Variants in ADGRL2 observed in about 807,000 individuals in gnomAD.
ADGRL2 encodes the protein calcium-independent alpha-latrotoxin receptor 2.
In ADGRL2, 44 loss-of-function variants were observed where a neutral mutation model predicts 157.4. The observed-to-expected ratio is 0.28, with a 90% CI of 0.22 to 0.36. ADGRL2 has a LOEUF of 0.36. Ranked by LOEUF, ADGRL2 falls within the 10% of genes least tolerant of loss-of-function variation. ADGRL2 has a pLI of 1.00. For missense variants in ADGRL2, 1,510 were observed against 1,768.9 expected (o/e 0.85, Z 2.63); for synonymous variants, 585 against 624.7 (o/e 0.94, Z 0.95).
intron 2 of ADGRL2, chr1:81,557,102 A>C: frequency 5.6e-6 from 1 of 177,074 alleles, no homozygotes. Flanking sequence ...CAGGCTGACC[A>C]CCTTTGCCTG....
In ADGRL2 at chr1:81,950,287, A is replaced by T. The variant is rs1388522029; in HGVS notation, c.1309A>T (p.Thr437Ser). 1.2e-6 allele frequency: 2 copies of T among 1,613,940 alleles called. No homozygotes were observed. Among genetic ancestry groups the T allele is most frequent in the Non-Finnish European group, 1.7e-6 (2 of 1,179,964 alleles). Residue 437 changes from threonine to serine, a missense_variant, in exon 7 of 24, where the codon ACT becomes TCT. Transcript: ENST00000686636. ...TTCACAGAAAGGCCCCATGAGCACA[A>T]CTGTAGCTGGATCACAGGAAGGAAG... ...TTSQKGPMST[T>S]VAGSQEGSKG...
chr1:81,891,613 C>A (rs895458281), intron 2 of ADGRL2, among the ~76,000 whole-genome samples: 1 of 151,936 alleles, frequency 6.6e-6, no homozygotes, highest in Non-Finnish European at 1.5e-5. Context: ...TTTCATTTTC[C>A]CTTTCCATTT....
chr1:81,908,949 A>G (rs1182800214), intron 3 of ADGRL2, among the ~76,000 whole-genome samples: 1 of 148,216 alleles, frequency 6.7e-6, no homozygotes, highest in East Asian at 2.0e-4. Flanking sequence ...ATCTCTGCTC[A>G]CTGCAGTCTT....
At chr1:81,721,878 A>G (rs2084336044) in intron 1 of ADGRL2, 1 of 760,008 alleles carries the variant, frequency 1.3e-6, no homozygotes, top group Non-Finnish European at 2.3e-6. Context: ...ACCTGATAGT[A>G]AGAAGGTGGA....
chr1:81,861,306 C>A (rs983128626), intron 2 of ADGRL2, among the ~76,000 whole-genome samples: 2 of 152,162 alleles, frequency 1.3e-5, no homozygotes, highest in African/African-American at 4.8e-5. Flanking sequence ...CAGGCATGAG[C>A]CACTGCACCC....
chr1:81,678,995 T>C (rs1451345520), intron 3 of ADGRL2, among the ~76,000 whole-genome samples: 1 of 152,150 alleles, frequency 6.6e-6, no homozygotes, highest in East Asian at 1.9e-4. Flanking sequence ...TTATTCAGCA[T>C]TTATTAGGTA....
At chr1:81,442,682 T>A (rs2077529733) in intron 1 of ADGRL2, among the ~76,000 whole-genome samples, 1 of 152,190 alleles carries the variant, frequency 6.6e-6, no homozygotes, top group Non-Finnish European at 1.5e-5. Flanking sequence ...ATCAGTCAGA[T>A]TTGCTTTGGA....
chr1:81,911,443 A>G (rs1001856098), intron 3 of ADGRL2, among the ~76,000 whole-genome samples: 1 of 152,160 alleles, frequency 6.6e-6, no homozygotes, highest in Non-Finnish European at 1.5e-5. Context: ...TGCTACCAGT[A>G]TTGTCTCTTT....
At chr1:81,838,785 C>G (rs1045377729) in intron 2 of ADGRL2, among the ~76,000 whole-genome samples, 1 of 151,952 alleles carries the variant, frequency 6.6e-6, no homozygotes, top group Non-Finnish European at 1.5e-5. Flanking sequence ...TGAGATACTG[C>G]AGCTTTATTT....
intron 1 of ADGRL2, among the ~76,000 whole-genome samples, chr1:81,317,246 T>C (rs1462396443): frequency 6.6e-6 from 1 of 152,148 alleles, no homozygotes; most frequent in African/African-American, 2.4e-5. Flanking sequence ...AAAAACCCTT[T>C]CTTGTAGCTC....
intron 2 of ADGRL2, among the ~76,000 whole-genome samples, chr1:81,777,350 G>A (rs1176850002): frequency 6.6e-6 from 1 of 152,046 alleles, no homozygotes; most frequent in Non-Finnish European, 1.5e-5. Flanking sequence ...TTTCCCCCAG[G>A]AGTACTGTTG....
chr1:81,443,038 T>C (rs547339075), intron 1 of ADGRL2, among the ~76,000 whole-genome samples: 2 of 152,292 alleles, frequency 1.3e-5, no homozygotes, highest in South Asian at 2.1e-4. Context: ...CTTTACAAAA[T>C]CTTTAAATTC....
intron 2 of ADGRL2, among the ~76,000 whole-genome samples, chr1:81,519,657 C>G (rs1390775211): frequency 6.6e-6 from 1 of 152,136 alleles, no homozygotes. Context: ...TTTACTATCT[C>G]CTTTCAAATG....
intron 3 of ADGRL2, among the ~76,000 whole-genome samples, chr1:81,642,085 CA>C (rs35660017): frequency 1.3e-3 from 191 of 142,422 alleles, no homozygotes; most frequent in East Asian, 3.5e-3. Flanking sequence ...ACTAAACATA[CA>C]AAAAAAAAAA....
At chr1:81,757,855 G>C (rs1158668880) in intron 1 of ADGRL2, among the ~76,000 whole-genome samples, 1 of 152,176 alleles carries the variant, frequency 6.6e-6, no homozygotes, top group Non-Finnish European at 1.5e-5. Flanking sequence ...CTGGAGTACA[G>C]TAAGATTAGA....
chr1:81,977,154 T>C (rs1558036884), intron 17 of ADGRL2, among the ~76,000 whole-genome samples: 1 of 151,870 alleles, frequency 6.6e-6, no homozygotes, highest in Non-Finnish European at 1.5e-5. Context: ...ATCTCAATTA[T>C]TTGTAAAACG....
chr1:81,794,229 T>C (rs2087481367), intron 2 of ADGRL2, among the ~76,000 whole-genome samples: 1 of 152,184 alleles, frequency 6.6e-6, no homozygotes, highest in Admixed American at 6.5e-5. Context: ...ATTGGGCTAC[T>C]AATTAGGGTA....
At position 81,706,076 on chromosome 1, in the gene ADGRL2, G is replaced by A. The variant is rs2083725901; in HGVS notation, c.-143+6268G>A. ...TAGCTGGGCGTGGTCATGCACGCCTGTAGTCCCAGCTACTTGGGAGGCTGA... is the reference window on the plus strand; with the variant it reads ...TAGCTGGGCGTGGTCATGCACGCCTATAGTCCCAGCTACTTGGGAGGCTGA... On this transcript the variant is annotated intron_variant, in intron 1 of 20. Coordinates refer to the ADGRL2 transcript ENST00000359929. Among the ~76,000 whole-genome samples the A allele has an allele frequency of 2.0e-5, 3 of 152,092 alleles. No individual in the cohort carries two copies. The South Asian group carries it at 6.2e-4, about 32-fold the overall frequency.
At chr1:81,668,587 G>A (rs1176162360) in intron 3 of ADGRL2, among the ~76,000 whole-genome samples, 4 of 151,792 alleles carry the variant, frequency 2.6e-5, no homozygotes, top group East Asian at 1.9e-4. Flanking sequence ...TTTTTGAGAC[G>A]GAGTCTCACT....
Sources: gnomAD v4.1 joint callset for allele counts (sites outside exome capture counted in the v4.1 genomes callset) on GRCh38, gnomAD v4.1.1 for gene constraint, MANE v1.5 for transcripts, NCBI Gene and HGNC (gene_info 2026-07-23, HGNC 2026-07-21) for gene names.